ABHD3: variants seen among roughly 807,000 people sequenced by gnomAD.
The protein encoded by ABHD3 is phospholipase ABHD3.
ABHD3 carries 46 observed loss-of-function variants against 48.8 expected under a neutral mutation model. The observed-to-expected ratio is 0.94, with a 90% CI of 0.74 to 1.20. The LOEUF is 1.20. Ranked by LOEUF, ABHD3 falls within the 50% of genes most tolerant of loss-of-function variation. ABHD3 has a pLI of 0.00. For missense variants in ABHD3, 490 were observed against 497.8 expected (o/e 0.98, Z 0.15); for synonymous variants, 192 against 183.7 (o/e 1.04, Z -0.36).
Position 21,703,587 on chromosome 18 carries a change from C to A in ABHD3, c.323G>T (p.Arg108Met), listed in dbSNP as rs749723703. 1.9e-6 allele frequency: 3 copies of A among 1,606,550 alleles called. No individual in the cohort carries two copies. The highest frequency in any genetic ancestry group is 2.6e-6 in the Non-Finnish European group (3 of 1,173,904). The change falls in exon 2 of 9, where the codon AGG becomes ATG. Residue 108 changes from arginine to methionine, a missense_variant. Transcript: ENST00000289119. Reference protein sequence around the residue: ...FITSKPPVQYRNELIKTADGG... With the variant: ...FITSKPPVQYMNELIKTADGG... ...CTGAAAACGGAAATTCACTTACTTC[C>A]TGTACTGCACCGGGGGCTTCGAAGT... is the stretch of plus-strand genomic sequence containing the variant.
At chr18:21,667,207 G>A (rs1293092751) in intron 4 of ABHD3, among the ~76,000 whole-genome samples, 1 of 144,724 alleles carries the variant, frequency 6.9e-6, no homozygotes, top group Non-Finnish European at 1.5e-5. Flanking sequence ...CCATGTAGCT[G>A]GGATTACAGG....
chr18:21,663,162 T>C (rs2039541275), intron 5 of ABHD3, among the ~76,000 whole-genome samples: 1 of 152,208 alleles, frequency 6.6e-6, no homozygotes, highest in Non-Finnish European at 1.5e-5. Flanking sequence ...TTTTAGAGTC[T>C]ATCATTTGTA....
At chr18:21,689,199 C>T (rs954440108) in intron 3 of ABHD3, among the ~76,000 whole-genome samples, 2 of 151,712 alleles carry the variant, frequency 1.3e-5, no homozygotes, top group Non-Finnish European at 2.9e-5. Context: ...CTTTTTTTAC[C>T]TGAGGGAAGG....
At chr18:21,691,962 CTTTTT>C (rs1002793949) in intron 3 of ABHD3, among the ~76,000 whole-genome samples, 39 of 152,188 alleles carry the variant, frequency 2.6e-4, no homozygotes, top group Admixed American at 1.9e-3. Flanking sequence ...CCAATCTTTT[CTTTTT>C]TAAGACGGAG....
chr18:21,703,824 T>C, intron 1 of ABHD3, 77 bp from the exon 2 acceptor site: 2 of 1,517,842 alleles, frequency 1.3e-6, no homozygotes, highest in Admixed American at 1.9e-5. Flanking sequence ...CGGCAAAGAC[T>C]TGTCGCTCGC....
chr18:21,655,779 G>A (rs1428416722), intron 8 of ABHD3, among the ~76,000 whole-genome samples: 1 of 151,306 alleles, frequency 6.6e-6, no homozygotes, highest in South Asian at 2.1e-4. Context: ...GGCGTGAGCC[G>A]AGATCGTGTC....
chr18:21,677,281 G>A (rs1168314780), intron 4 of ABHD3, among the ~76,000 whole-genome samples: 2 of 151,658 alleles, frequency 1.3e-5, no homozygotes, highest in African/African-American at 4.8e-5. Flanking sequence ...TGCAAGCTCC[G>A]CCTCCTGGGT....
chr18:21,665,574 T>A (rs2039603035), intron 4 of ABHD3, among the ~76,000 whole-genome samples: 1 of 152,024 alleles, frequency 6.6e-6, no homozygotes. Flanking sequence ...CCCAGCACTT[T>A]GGGAGGCCAA....
intron 3 of ABHD3, among the ~76,000 whole-genome samples, chr18:21,697,672 T>C (rs1262138668): frequency 1.3e-5 from 2 of 152,216 alleles, no homozygotes; most frequent in Non-Finnish European, 2.9e-5. Flanking sequence ...AGAGCCACCA[T>C]GCCTAGCCTC....
At chr18:21,665,527 A>C (rs2039602105) in intron 4 of ABHD3, among the ~76,000 whole-genome samples, 1 of 152,112 alleles carries the variant, frequency 6.6e-6, no homozygotes, top group Non-Finnish European at 1.5e-5. Context: ...ATTAAAAAAC[A>C]AACAAGCAGC....
intron 4 of ABHD3, among the ~76,000 whole-genome samples, chr18:21,677,391 G>C (rs2039908502): frequency 1.4e-5 from 2 of 147,976 alleles, no homozygotes; most frequent in Non-Finnish European, 1.5e-5. Context: ...ATTTTTAGTA[G>C]AGATAGGGTT....
intron 4 of ABHD3, among the ~76,000 whole-genome samples, chr18:21,678,124 T>C (rs923260069): frequency 2.0e-5 from 3 of 151,964 alleles, no homozygotes; most frequent in African/African-American, 7.3e-5. Context: ...CACTTGGCTA[T>C]TTTTTGTTTT....
intron 2 of ABHD3, among the ~76,000 whole-genome samples, chr18:21,703,368 C>A (rs1054085031): frequency 6.6e-6 from 1 of 151,964 alleles, no homozygotes; most frequent in African/African-American, 2.4e-5. Context: ...ATCAGGTTGG[C>A]GGTTAGGGCG....
chr18:21,701,744 T>C (rs1032011318), intron 3 of ABHD3: 1 of 152,204 alleles, frequency 6.6e-6, no homozygotes, highest in African/African-American at 2.4e-5. Context: ...TTGTACCTGG[T>C]GACTGAGCTT....
At chr18:21,701,745 G>C (rs1255209420) in intron 3 of ABHD3, 1 of 152,166 alleles carries the variant, frequency 6.6e-6, no homozygotes, top group African/African-American at 2.4e-5. Flanking sequence ...TGTACCTGGT[G>C]ACTGAGCTTA....
In ABHD3 at chr18:21,668,217, A is replaced by AAAAAAAAAAG. The variant is rs1370034550; in HGVS notation, c.556-3988_556-3987insCTTTTTTTTT. Reference sequence around the variant, plus strand: ...ATCTATCTCAAAAAAAAAAAAAAAAAAAAGAAAGAAAAAGAAAAGAAAATA... The same window carrying AAAAAAAAAAG: ...ATCTATCTCAAAAAAAAAAAAAAAAAAAAAAAAAAGAAAGAAAGAAAAAGAAAAGAAAATA... On this transcript the variant is annotated intron_variant, in intron 4 of 8. Transcript: ENST00000289119. Among the ~76,000 whole-genome samples, 13 of 137,676 alleles carry AAAAAAAAAAG rather than the reference A, an allele frequency of 9.4e-5. No homozygotes were observed. The South Asian group carries it at 1.2e-3, about 13-fold the overall frequency. The allele number at this position is 137,676 out of a possible 152,430, so 90.3% of individuals were successfully genotyped here.
rs2146317780 is a variant in ABHD3, at chr18:21,683,324, G to T, written c.555+596C>A. ...CTAGCAAAAACTCAGAATTAGAGGG[G>T]GAAAAAAAGACCTGATATAAATTTT... On this transcript the variant is annotated intron_variant, in intron 4 of 8. Coordinates refer to ENST00000289119, the MANE Select transcript of ABHD3 (RefSeq NM_138340.5). Among the ~76,000 whole-genome samples, 3 of 151,676 alleles carry T rather than the reference G, an allele frequency of 2.0e-5. 1 individual carries two copies. The Middle Eastern group carries it at 0.01, about 516-fold the overall frequency.
intron 4 of ABHD3, among the ~76,000 whole-genome samples, chr18:21,671,932 T>C (rs979615453): frequency 2.6e-5 from 4 of 152,190 alleles, no homozygotes; most frequent in East Asian, 1.9e-4. Flanking sequence ...CCACCATGCC[T>C]GGCCAACAAC....
intron 3 of ABHD3, among the ~76,000 whole-genome samples, chr18:21,689,265 C>T (rs1392899669): frequency 6.6e-6 from 1 of 151,942 alleles, no homozygotes; most frequent in East Asian, 1.9e-4. Flanking sequence ...TGCGCAGTCT[C>T]TTGGCTGGGC....
Sources: gnomAD v4.1 joint callset for allele counts (sites outside exome capture counted in the v4.1 genomes callset) on GRCh38, gnomAD v4.1.1 for gene constraint, MANE v1.5 for transcripts, NCBI Gene and HGNC (gene_info 2026-07-23, HGNC 2026-07-21) for gene names.